The following SMIM7 variants were observed in gnomAD, a reference collection of about 807,000 sequenced individuals.
The protein encoded by SMIM7 is small integral membrane protein 7.
SMIM7 carries 12 observed loss-of-function variants against 13.3 expected under a neutral mutation model. The observed-to-expected ratio is 0.90, with a 90% confidence interval of 0.58 to 1.46. SMIM7 has a LOEUF of 1.46. Among genes scored for constraint, SMIM7 ranks in the 40% most tolerant of loss-of-function variants. SMIM7 has a pLI of 0.00. For synonymous variants in SMIM7, 36 were observed against 35.8 expected (o/e 1.01, Z -0.02); for missense variants, 114 against 94.8 (o/e 1.20, Z -0.84).
intron 3 of SMIM7, among the ~76,000 whole-genome samples, 173 bp from the exon 4 acceptor site, chr19:16,654,298 T>C (rs2086567899): frequency 6.6e-6 from 1 of 152,168 alleles, no homozygotes; most frequent in South Asian, 2.1e-4. Flanking sequence ...TCAGGCTGTG[T>C]CTACCACTGA....
chr19:16,638,301 CTTTTTTTTTTTT>C (rs375558591), intron 4 of SMIM7, among the ~76,000 whole-genome samples: 2 of 122,780 alleles, frequency 1.6e-5, no homozygotes, highest in Non-Finnish European at 3.4e-5. Context: ...TTTCTTTTTT[CTTTTTTTTTTTT>C]TTTTTTTGAG....
intron 4 of SMIM7, chr19:16,634,651 G>A (rs2086345658): frequency 6.6e-6 from 1 of 151,858 alleles, no homozygotes; most frequent in Non-Finnish European, 1.5e-5. Flanking sequence ...GGTGGTGGAT[G>A]CCTGGAGTCT....
At chr19:16,658,576 A>G (rs565977123) in intron 3 of SMIM7, among the ~76,000 whole-genome samples, 1 of 152,312 alleles carries the variant, frequency 6.6e-6, no homozygotes, top group African/African-American at 2.4e-5. Flanking sequence ...GCTCTCCTGA[A>G]TCTTGAGTTG....
downstream of SMIM7, chr19:16,646,133 A>G (rs1466709448): frequency 6.6e-6 from 1 of 151,736 alleles, no homozygotes; most frequent in African/African-American, 2.4e-5. Flanking sequence ...AAAAAAAAAA[A>G]GTATAAACAA....
intron 4 of SMIM7, among the ~76,000 whole-genome samples, chr19:16,651,816 A>C (rs1393588887): frequency 1.4e-5 from 2 of 143,326 alleles, no homozygotes; most frequent in African/African-American, 2.6e-5. Flanking sequence ...AATGAGAAGC[A>C]TGCTGACTTC....
downstream of SMIM7, among the ~76,000 whole-genome samples, chr19:16,643,715 A>C (rs1255634781): frequency 6.6e-6 from 1 of 152,198 alleles, no homozygotes; most frequent in Non-Finnish European, 1.5e-5. Flanking sequence ...TTTTTCAAGC[A>C]AAGTAAAACA....
chr19:16,642,846 C>G (rs1475632886), downstream of SMIM7, among the ~76,000 whole-genome samples: 1 of 135,744 alleles, frequency 7.4e-6, no homozygotes, highest in Non-Finnish European at 1.5e-5. Context: ...TTTTTTGAGA[C>G]AGAGTCTCAC....
chr19:16,639,946 GTT>G (rs999692105), intron 4 of SMIM7: 1 of 150,858 alleles, frequency 6.6e-6, no homozygotes, highest in African/African-American at 2.5e-5. Flanking sequence ...CAATCTTTCG[GTT>G]TTTTGTTTTT....
Position 16,660,092 on chromosome 19 carries a change from G to T in SMIM7, c.19C>A (p.Leu7Met). 6.2e-7 allele frequency: 1 copy of T among 1,614,216 alleles called. No homozygotes were observed. ...TCTGGTCCCCCTAATTACCCGAACAGCAGGATGTCTCCGATCATCGTTACG... is the reference window on the plus strand; with the variant it reads ...TCTGGTCCCCCTAATTACCCGAACATCAGGATGTCTCCGATCATCGTTACG... MIGDIL[L>M]FGTLLMNAGA... Residue 7 changes from leucine to methionine, a missense_variant, in exon 1 of 5, where the codon CTG (leucine) becomes ATG (methionine). Transcript: ENST00000487416.
At chr19:16,655,190 C>A (rs2086580379) in intron 3 of SMIM7, 2 of 381,526 alleles carry the variant, frequency 5.2e-6, no homozygotes. Flanking sequence ...CTGAAAGCAT[C>A]CTAATTCAGG....
rs1390257128 is a variant in SMIM7 at position 16,660,127 on chromosome 19, T to A, written c.-17A>T. 1.2e-6 allele frequency: 2 copies of A among 1,613,902 alleles called. No homozygotes were observed. The highest frequency in any genetic ancestry group is 8.5e-7 in the Non-Finnish European group (1 of 1,180,008). On this transcript the variant is annotated 5_prime_UTR_variant, in exon 1 of 5. Coordinates refer to ENST00000487416, the MANE Select transcript of SMIM7 (RefSeq NM_024104.4). Reference sequence around the variant, plus strand: ...TCCGATCATCGTTACGGCCGAAGCGTCCGTCAGAACCGGAAGCGGAAGCCC... The same window carrying A: ...TCCGATCATCGTTACGGCCGAAGCGACCGTCAGAACCGGAAGCGGAAGCCC...
downstream of SMIM7, among the ~76,000 whole-genome samples, chr19:16,642,782 C>T (rs998575712): frequency 2.0e-5 from 3 of 151,538 alleles, no homozygotes; most frequent in South Asian, 2.1e-4. Context: ...GCTCTCATCA[C>T]GCCACCACAC....
At chr19:16,659,863 G>T in intron 2 of SMIM7, 96 bp downstream of exon 2, 7 of 1,487,396 alleles carry the variant, frequency 4.7e-6, no homozygotes, top group Non-Finnish European at 2.7e-6. Flanking sequence ...CCTGCGGCTT[G>T]GGGGCGGGGC....
chr19:16,631,552 T>A (rs933230793), exon 5 of SMIM7: 59 of 152,290 alleles, frequency 3.9e-4, no homozygotes, highest in African/African-American at 1.4e-3. Flanking sequence ...TGCTTCTCCC[T>A]GGACTCACTG....
Position 16,647,066 on chromosome 19 carries a change from A to T in SMIM7, c.*180T>A. 1 of 710,396 alleles carries T rather than the reference A, an allele frequency of 1.4e-6. No homozygotes were observed. The allele number at this position is 710,396 out of a possible 1,614,324, so 44.0% of individuals were successfully genotyped here. ...GACCAAAGTGAAACTATCTTTGAAA[A>T]CAGGGACGTGGCTGGGAAACCATGC... On this transcript the variant is annotated 3_prime_UTR_variant, in exon 5 of 5. Coordinates refer to ENST00000487416, the MANE Select transcript of SMIM7 (RefSeq NM_024104.4).
intron 4 of SMIM7, among the ~76,000 whole-genome samples, chr19:16,651,511 G>A (rs2122530055): frequency 6.6e-6 from 1 of 152,278 alleles, no homozygotes; most frequent in South Asian, 2.1e-4. Flanking sequence ...CTGGGCTACT[G>A]ACTATGCAGG....
At chr19:16,639,172 AGT>A (rs987222980) in intron 4 of SMIM7, among the ~76,000 whole-genome samples, 2 of 140,030 alleles carry the variant, frequency 1.4e-5, no homozygotes, top group Non-Finnish European at 3.0e-5. Context: ...CCCAGGCTGG[AGT>A]GCAGTGGCGT....
intron 4 of SMIM7, chr19:16,653,567 A>G (rs1362719216): frequency 1.2e-5 from 2 of 163,074 alleles, no homozygotes; most frequent in Non-Finnish European, 2.7e-5. Context: ...TGGGCAACAG[A>G]GCAAGACTCG....
chr19:16,646,866 G>C lies in SMIM7; in HGVS notation c.*380C>G. On this transcript the variant is annotated 3_prime_UTR_variant, in exon 5 of 5. Transcript: ENST00000487416. ...CCGGGCCCAGAGGCTGTCAGACTCAGCAAGTAACACTGAATGTCCAAAAAT... is the reference window on the plus strand; with the variant it reads ...CCGGGCCCAGAGGCTGTCAGACTCACCAAGTAACACTGAATGTCCAAAAAT... 3.6e-6 allele frequency: 1 copy of C among 279,700 alleles called. No homozygotes were observed. Among genetic ancestry groups the C allele is most frequent in the South Asian group, 4.2e-5 (1 of 23,834 alleles). 17.3% of individuals were successfully genotyped at this position (279,700 alleles called of 1,614,324 possible). A position where few individuals can be genotyped will look rare whatever the true frequency, so the allele number is the denominator to read the frequency against.
Sources: allele counts gnomAD v4.1 joint callset (sites outside exome capture counted in the v4.1 genomes callset), GRCh38; gene constraint gnomAD v4.1.1; transcripts MANE v1.5; gene names NCBI Gene and HGNC (gene_info 2026-07-23, HGNC 2026-07-21).